SNRPN: variants seen among roughly 807,000 people sequenced by gnomAD.
SNRPN encodes small nuclear ribonucleoprotein-associated protein N.
SNRPN carries 7 observed loss-of-function variants against 25.2 expected under a neutral mutation model. The observed-to-expected ratio is 0.28, with a 90% CI of 0.16 to 0.52. The LOEUF is 0.52. Among genes scored for constraint, SNRPN ranks in the 20% least tolerant of loss-of-function variants. The probability of loss-of-function intolerance (pLI) is 0.96; values close to 1 mark genes in which losing one functional copy is unlikely to be tolerated. For synonymous variants in SNRPN, 124 were observed against 110.6 expected, an observed-to-expected ratio of 1.12 and a Z score of -0.76; for missense variants, 196 against 322.5, an observed-to-expected ratio of 0.61 and a Z score of 3.00.
At chr15:24,843,557 C>T (rs1009197870) in intron 2 of SNRPN, among the ~76,000 whole-genome samples, 43 of 151,794 alleles carry the variant, frequency 2.8e-4, no homozygotes, top group Non-Finnish European at 5.2e-4. Context: ...CTGAGGCAGG[C>T]GGATCACCTG....
chr15:24,906,601 T>G (rs1358125694), intron 2 of SNRPN, among the ~76,000 whole-genome samples: 3 of 152,138 alleles, frequency 2.0e-5, no homozygotes, highest in Non-Finnish European at 4.4e-5. Flanking sequence ...TGACCTACTT[T>G]CCGGGGAGGT....
intron 3 of SNRPN, among the ~76,000 whole-genome samples, chr15:24,930,260 G>C (rs534450982): frequency 6.7e-6 from 1 of 148,688 alleles, no homozygotes; most frequent in Non-Finnish European, 1.5e-5. Flanking sequence ...ATAGTGATTG[G>C]GTCTATGAGT....
chr15:24,959,522 T>C (rs950871375), intron 1 of SNRPN, among the ~76,000 whole-genome samples: 24 of 152,228 alleles, frequency 1.6e-4, no homozygotes, highest in Admixed American at 6.5e-4. Context: ...ATTTCCTCAG[T>C]TGACCTCAGA....
intron 1 of SNRPN, among the ~76,000 whole-genome samples, chr15:24,878,319 G>A (rs2056192686): frequency 6.6e-6 from 1 of 152,196 alleles, no homozygotes; most frequent in Non-Finnish European, 1.5e-5. Flanking sequence ...CAGCCCGCAA[G>A]AAATGTGCCA....
Position 24,904,579 on chromosome 15 carries a change from C to T in SNRPN, c.-504-15432C>T, listed in dbSNP as rs1316589188. On this transcript the variant is annotated intron_variant, in intron 2 of 11. Transcript: ENST00000400097. ...CTGAAGCAGGAGAATCGCATGAACC[C>T]GGGAGGCAGAGGTTGCAGTGAGCCA... Among the ~76,000 whole-genome samples, 3 of 151,862 alleles carry T rather than the reference C, an allele frequency of 2.0e-5. No individual in the cohort carries two copies. In the East Asian group the frequency reaches 5.8e-4, roughly 30 times the overall value.
chr15:24,890,760 T>C (rs780265085), intron 2 of SNRPN, among the ~76,000 whole-genome samples: 1 of 152,162 alleles, frequency 6.6e-6, no homozygotes, highest in South Asian at 2.1e-4. Context: ...AAGACTCACA[T>C]GTCATGTAAA....
intron 2 of SNRPN, among the ~76,000 whole-genome samples, chr15:24,903,108 C>T (rs2058574386): frequency 6.6e-6 from 1 of 152,198 alleles, no homozygotes; most frequent in Admixed American, 6.5e-5. Context: ...TCCAAGTCCC[C>T]ACCCAACCCA....
intron 1 of SNRPN, among the ~76,000 whole-genome samples, chr15:24,879,188 A>G (rs1025413705): frequency 1.4e-4 from 21 of 152,130 alleles, no homozygotes; most frequent in Non-Finnish European, 1.9e-4. Context: ...TAATCCTAGC[A>G]CTTTGGGCGG....
chr15:24,938,174 G>A (rs1034135915), intron 3 of SNRPN, among the ~76,000 whole-genome samples: 14 of 148,686 alleles, frequency 9.4e-5, no homozygotes, highest in Non-Finnish European at 1.5e-4. Flanking sequence ...CCAGTGCCAC[G>A]CCATGATCTC....
chr15:24,871,864 C>A (rs1385397265), intron 1 of SNRPN, among the ~76,000 whole-genome samples: 1 of 120,438 alleles, frequency 8.3e-6, no homozygotes, highest in East Asian at 2.9e-4. Flanking sequence ...ACCACCACGC[C>A]TGGCTAATTT....
chr15:24,841,377 T>C (rs1235768616), intron 2 of SNRPN, among the ~76,000 whole-genome samples: 2 of 151,986 alleles, frequency 1.3e-5, no homozygotes, highest in African/African-American at 4.8e-5. Context: ...GCCACCTGCA[T>C]AAAAAGTTGC....
At chr15:24,878,155 T>G (rs1333237265) in intron 1 of SNRPN, among the ~76,000 whole-genome samples, 3 of 152,226 alleles carry the variant, frequency 2.0e-5, no homozygotes, top group African/African-American at 7.2e-5. Context: ...CTTCTTAGGT[T>G]AAAGCCTTGT....
intron 1 of SNRPN, among the ~76,000 whole-genome samples, chr15:24,876,856 T>C (rs2149254169): frequency 6.6e-6 from 1 of 152,126 alleles, no homozygotes; most frequent in South Asian, 2.1e-4. Flanking sequence ...GCAAAAAAAA[T>C]TGAGACATCG....
intron 1 of SNRPN, among the ~76,000 whole-genome samples, chr15:24,878,833 C>G (rs1246177240): frequency 6.6e-6 from 1 of 151,910 alleles, no homozygotes; most frequent in African/African-American, 2.4e-5. Flanking sequence ...CTACTTTAAT[C>G]ATTTCTGTAT....
At chr15:24,842,706 G>A (rs901243093) in intron 2 of SNRPN, among the ~76,000 whole-genome samples, 2 of 152,114 alleles carry the variant, frequency 1.3e-5, no homozygotes, top group African/African-American at 4.8e-5. Context: ...ACAAGGCCAG[G>A]GTTGTTCCAG....
intron 3 of SNRPN, among the ~76,000 whole-genome samples, chr15:24,974,008 C>T (rs2076777057): frequency 6.6e-6 from 1 of 152,130 alleles, no homozygotes; most frequent in East Asian, 1.9e-4. Flanking sequence ...GAGAGAGAGA[C>T]ACTACCTTAA....
At chr15:24,919,212 G>T (rs1027486317) in intron 2 of SNRPN, among the ~76,000 whole-genome samples, 3 of 151,384 alleles carry the variant, frequency 2.0e-5, no homozygotes, top group African/African-American at 7.3e-5. Flanking sequence ...GGCGGATCAC[G>T]AGGTCAGGAG....
At chr15:24,977,942 G>A (rs747531465) in intron 8 of SNRPN, 26 bp downstream of exon 8, 16 of 1,530,534 alleles carry the variant, frequency 1.0e-5, no homozygotes, top group Middle Eastern at 1.8e-4. Context: ...ACACGAAGAC[G>A]AACTTGAATC....
At chr15:24,955,946 GGCAGTA>G (rs1316794668) in intron 1 of SNRPN, among the ~76,000 whole-genome samples, 2 of 150,866 alleles carry the variant, frequency 1.3e-5, no homozygotes, top group Admixed American at 6.6e-5. Flanking sequence ...CATCAGAAGG[GGCAGTA>G]GCACAGTCCG....
Sources: gnomAD v4.1 joint callset for allele counts (sites outside exome capture counted in the v4.1 genomes callset) on GRCh38, gnomAD v4.1.1 for gene constraint, MANE v1.5 for transcripts, NCBI Gene and HGNC (gene_info 2026-07-23, HGNC 2026-07-21) for gene names.